The following CBLB variants were observed in gnomAD, a reference collection of about 807,000 sequenced individuals.
The protein encoded by CBLB is E3 ubiquitin-protein ligase CBL-B.
A neutral mutation model predicts 104.9 loss-of-function variants in CBLB; 31 were observed. That is an observed-to-expected ratio of 0.30 (90% CI 0.22 to 0.40). The LOEUF is 0.40. CBLB is among the 10% of genes least tolerant of loss of function. CBLB has a pLI of 1.00. For missense variants in CBLB, 1,062 were observed against 1,214.6 expected (o/e 0.87, Z 1.87); for synonymous variants, 440 against 422.6 (o/e 1.04, Z -0.51).
intron 17 of CBLB, among the ~76,000 whole-genome samples, chr3:105,675,743 A>G (rs1485323794): frequency 6.6e-6 from 1 of 151,796 alleles, no homozygotes; most frequent in Non-Finnish European, 1.5e-5. Context: ...AAATTAGCCG[A>G]GTGTAGTGGT....
intron 2 of CBLB, among the ~76,000 whole-genome samples, chr3:105,854,257 C>T (rs1251424637): frequency 1.3e-5 from 2 of 152,186 alleles, no homozygotes; most frequent in East Asian, 3.8e-4. Context: ...TATAACGGTT[C>T]AGTCATCCCA....
intron 3 of CBLB, among the ~76,000 whole-genome samples, chr3:105,848,748 T>C (rs184461774): frequency 3.3e-5 from 5 of 152,280 alleles, no homozygotes; most frequent in Admixed American, 2.6e-4. Flanking sequence ...TTTCTACTAT[T>C]ACTGTCCTTC....
chr3:105,702,133 C>T lies in CBLB; in HGVS notation c.1920G>A (p.Arg640=). Residue 640 remains arginine (R), a synonymous_variant, in exon 12 of 19, where the codon CGG becomes CGA. Coordinates refer to ENST00000394030, the MANE Select transcript of CBLB (RefSeq NM_170662.5). ...AAGGCAAATCATGGCGTCTGTGTTT[C>T]CGCATAAGCACTGGGTCAGAGCCCA... ...SRVGSDPVLM[R]KHRRHDLPLE... The T allele has an allele frequency of 6.2e-7, 1 of 1,614,148 alleles. No homozygotes were observed.
chr3:105,832,609 T>C (rs947738436), intron 3 of CBLB, among the ~76,000 whole-genome samples: 4 of 152,234 alleles, frequency 2.6e-5, no homozygotes, highest in African/African-American at 9.6e-5. Flanking sequence ...GCTTTATCAC[T>C]ATTAAATTTC....
chr3:105,759,789 G>A (rs2077441586), intron 4 of CBLB, among the ~76,000 whole-genome samples: 1 of 152,162 alleles, frequency 6.6e-6, no homozygotes, highest in Admixed American at 6.5e-5. Context: ...GGGATGCCCA[G>A]GTCCATAGCT....
At chr3:105,793,833 T>C (rs1428282417) in intron 3 of CBLB, among the ~76,000 whole-genome samples, 1 of 151,770 alleles carries the variant, frequency 6.6e-6, no homozygotes, top group Non-Finnish European at 1.5e-5. Context: ...CAATATACAC[T>C]ACAAACTTTG....
rs186436547 is a variant in CBLB, at chr3:105,729,746, T to A, written c.1203+4263A>T. ...GTCAAGTGAGCACAGCTAGGTGAGATTACAGATACGAGACCTTCAGCATAT... is the reference window on the plus strand; with the variant it reads ...GTCAAGTGAGCACAGCTAGGTGAGAATACAGATACGAGACCTTCAGCATAT... On this transcript the variant is annotated intron_variant, in intron 9 of 18. Coordinates refer to ENST00000394030, the MANE Select transcript of CBLB (RefSeq NM_170662.5). 2.0e-3 allele frequency among the ~76,000 whole-genome samples: 302 copies of A among 152,224 alleles called. 2 individuals are homozygous for A. The highest frequency in any genetic ancestry group is 7.0e-3 in the African/African-American group (293 of 41,570).
At chr3:105,769,241 C>T (rs2078586172) in intron 4 of CBLB, among the ~76,000 whole-genome samples, 1 of 152,106 alleles carries the variant, frequency 6.6e-6, no homozygotes, top group South Asian at 2.1e-4. Context: ...TCGCTTGAAC[C>T]CAGGAGGCAG....
At chr3:105,726,876 A>G (rs2073716038) in intron 9 of CBLB, among the ~76,000 whole-genome samples, 1 of 152,230 alleles carries the variant, frequency 6.6e-6, no homozygotes, top group South Asian at 2.1e-4. Flanking sequence ...TGCAAAGGAC[A>G]TGAACTCATC....
chr3:105,856,316 C>T (rs999021376), intron 2 of CBLB, among the ~76,000 whole-genome samples: 1 of 139,364 alleles, frequency 7.2e-6, no homozygotes, highest in Non-Finnish European at 1.5e-5. Context: ...CATCACTGCA[C>T]TCAGCCTGGA....
At chr3:105,855,715 T>C (rs1487071687) in intron 2 of CBLB, among the ~76,000 whole-genome samples, 1 of 152,186 alleles carries the variant, frequency 6.6e-6, no homozygotes, top group Non-Finnish European at 1.5e-5. Context: ...AAGTATAAAA[T>C]GTACAGAGCC....
chr3:105,708,809 T>G (rs1425659919), intron 10 of CBLB, among the ~76,000 whole-genome samples: 1 of 151,970 alleles, frequency 6.6e-6, no homozygotes, highest in Admixed American at 6.6e-5. Flanking sequence ...TGTAAAACAT[T>G]TATAAACATT....
At chr3:105,807,431 T>C (rs1293420299) in intron 3 of CBLB, among the ~76,000 whole-genome samples, 2 of 152,154 alleles carry the variant, frequency 1.3e-5, no homozygotes, top group East Asian at 1.9e-4. Context: ...TTGCACTAAC[T>C]AGCAATATAA....
Position 105,702,271 on chromosome 3 carries a change from GCAC to G in CBLB, c.1779_1781del (p.Trp593del), listed in dbSNP as rs2069253095. The G allele has an allele frequency of 6.2e-7, 1 of 1,613,800 alleles. No homozygotes were observed. The highest frequency in any genetic ancestry group is 8.5e-7 in the Non-Finnish European group (1 of 1,179,968). ...GATTAGTCCCAAACACATCCCGAGG[GCAC>G]CATGCTTCAAGAGGCATTGGCGGGT... is the stretch of plus-strand genomic sequence containing the variant. On this transcript the variant is annotated inframe_deletion, in exon 12 of 19. Transcript: ENST00000394030.
chr3:105,727,885 C>G (rs144358091), intron 9 of CBLB, among the ~76,000 whole-genome samples: 66 of 152,262 alleles, frequency 4.3e-4, no homozygotes, highest in African/African-American at 1.5e-3. Context: ...GGCATCTATT[C>G]TGTTCCATTG....
intron 3 of CBLB, among the ~76,000 whole-genome samples, chr3:105,791,509 A>G (rs898174562): frequency 5.9e-5 from 9 of 152,196 alleles, no homozygotes; most frequent in Non-Finnish European, 1.2e-4. Context: ...TCAATAACCA[A>G]TCAAATACCA....
chr3:105,800,231 C>A (rs2082684132), intron 3 of CBLB, among the ~76,000 whole-genome samples: 1 of 152,218 alleles, frequency 6.6e-6, no homozygotes, highest in South Asian at 2.1e-4. Flanking sequence ...CATGTGCAGA[C>A]CAGTATCCCA....
chr3:105,717,268 T>C (rs1224051844), intron 10 of CBLB, among the ~76,000 whole-genome samples: 1 of 152,182 alleles, frequency 6.6e-6, no homozygotes, highest in East Asian at 1.9e-4. Context: ...AAAATTGAAA[T>C]GTCTTCACAG....
At chr3:105,829,856 G>C (rs1192129666) in intron 3 of CBLB, among the ~76,000 whole-genome samples, 1 of 151,964 alleles carries the variant, frequency 6.6e-6, no homozygotes, top group Non-Finnish European at 1.5e-5. Context: ...TGAAAGCCAT[G>C]ATAAGAAGTG....
Sources: gnomAD v4.1 joint callset for allele counts (sites outside exome capture counted in the v4.1 genomes callset) on GRCh38, gnomAD v4.1.1 for gene constraint, MANE v1.5 for transcripts, NCBI Gene and HGNC (gene_info 2026-07-23, HGNC 2026-07-21) for gene names.